The following FAT3 variants were observed in gnomAD, a reference collection of about 807,000 sequenced individuals.
FAT3 encodes protocadherin Fat 3.
A neutral mutation model predicts 310.2 loss-of-function variants in FAT3; 95 were observed. The ratio of observed to expected loss-of-function variants is 0.31; its 90% confidence interval spans 0.26 to 0.36. FAT3 has a LOEUF of 0.36. Ranked by LOEUF, FAT3 falls within the 10% of genes least tolerant of loss-of-function variation. The probability of loss-of-function intolerance (pLI) is 1.00; values close to 1 mark genes in which losing one functional copy is unlikely to be tolerated. For synonymous variants in FAT3, 2,314 were observed against 2,192.9 expected, an observed-to-expected ratio of 1.06 and a Z score of -1.54; for missense variants, 5,408 against 5,715.6, an observed-to-expected ratio of 0.95 and a Z score of 1.74.
At chr11:92,452,785 CAGTGT>C (rs1951395462) in intron 2 of FAT3, among the ~76,000 whole-genome samples, 1 of 152,104 alleles carries the variant, frequency 6.6e-6, no homozygotes, top group African/African-American at 2.4e-5. Context: ...TTTTTTGAGA[CAGTGT>C]CTTGCTCTGT....
At chr11:92,442,274 C>T (rs1227964510) in intron 2 of FAT3, among the ~76,000 whole-genome samples, 9 of 148,748 alleles carry the variant, frequency 6.1e-5, no homozygotes, top group East Asian at 2.0e-4. Flanking sequence ...CCACCACGCC[C>T]GGCTAATTTT....
intron 2 of FAT3, among the ~76,000 whole-genome samples, chr11:92,423,776 T>A (rs777731855): frequency 6.6e-6 from 1 of 152,224 alleles, no homozygotes; most frequent in Non-Finnish European, 1.5e-5. Context: ...GGTAAGAGTT[T>A]ATGTTACAGT....
chr11:92,451,351 C>T (rs553016395), intron 2 of FAT3, among the ~76,000 whole-genome samples: 113 of 152,160 alleles, frequency 7.4e-4, no homozygotes, highest in Non-Finnish European at 1.3e-3. Context: ...AACCAGCCTT[C>T]CATGACCTGT....
chr11:92,561,294 C>G lies in FAT3; in HGVS notation c.3607+36346C>G, dbSNP rs572917869. 2.2e-3 allele frequency among the ~76,000 whole-genome samples: 276 copies of G among 122,896 alleles called. 1 individual carries two copies. Among genetic ancestry groups the G allele is most frequent in the African/African-American group, 7.7e-3 (266 of 34,424 alleles). 80.6% of individuals were successfully genotyped at this position (122,896 alleles called of 152,430 possible). ...GTGTGTGTGTGTGTGTGTGTGTTTA[C>G]CCAAAATGCTTCCATTATGATGCTT... On this transcript the variant is annotated intron_variant, in intron 3 of 27. Transcript: ENST00000525166.
At chr11:92,871,400 C>T (rs934319773) in intron 22 of FAT3, among the ~76,000 whole-genome samples, 24 of 152,124 alleles carry the variant, frequency 1.6e-4, no homozygotes, top group African/African-American at 5.3e-4. Context: ...TCTCAGATCC[C>T]ACCCCAAATC....
intron 3 of FAT3, among the ~76,000 whole-genome samples, chr11:92,534,748 G>T (rs568607): frequency 1 from 152,204 of 152,304 alleles, 76,052 homozygotes; most frequent in Non-Finnish European, 1. Context: ...TTTCGTCACC[G>T]AAGACAAGAT....
intron 2 of FAT3, among the ~76,000 whole-genome samples, chr11:92,415,292 G>T (rs775268234): frequency 6.6e-6 from 1 of 152,184 alleles, no homozygotes; most frequent in Non-Finnish European, 1.5e-5. Context: ...TTATTCAGCA[G>T]TGAGTGCTGA....
intron 2 of FAT3, among the ~76,000 whole-genome samples, chr11:92,445,021 A>T (rs918898485): frequency 6.6e-6 from 1 of 152,174 alleles, no homozygotes; most frequent in African/African-American, 2.4e-5. Context: ...CATTAGGGGA[A>T]AATTTGTGCT....
At chr11:92,387,241 G>C (rs2134792529) in intron 2 of FAT3, among the ~76,000 whole-genome samples, 1 of 152,250 alleles carries the variant, frequency 6.6e-6, no homozygotes, top group Non-Finnish European at 1.5e-5. Context: ...TAGGCAGAGT[G>C]AGAGAACTGG....
At chr11:92,254,805 AAG>A (rs1865253491) in intron 1 of FAT3, among the ~76,000 whole-genome samples, 1 of 152,052 alleles carries the variant, frequency 6.6e-6, no homozygotes, top group South Asian at 2.1e-4. Flanking sequence ...TCCCAGGTTG[AAG>A]AGTTTCTCCT....
chr11:92,381,613 C>T (rs972693712), intron 2 of FAT3, among the ~76,000 whole-genome samples: 2 of 151,964 alleles, frequency 1.3e-5, no homozygotes, highest in African/African-American at 2.4e-5. Context: ...TCCTTCCTTC[C>T]GAAACACCTT....
chr11:92,522,492 G>A (rs1469490906), intron 2 of FAT3, among the ~76,000 whole-genome samples: 1 of 152,064 alleles, frequency 6.6e-6, no homozygotes, highest in Non-Finnish European at 1.5e-5. Flanking sequence ...TAGCTTCTGG[G>A]TTGACGGTTC....
chr11:92,315,475 G>GTATATA (rs1555009254), intron 1 of FAT3, among the ~76,000 whole-genome samples: 9 of 76,648 alleles, frequency 1.2e-4, no homozygotes, highest in African/African-American at 5.9e-4. Context: ...GTGTGTGTGT[G>GTATATA]TGTGTATATA....
intron 1 of FAT3, among the ~76,000 whole-genome samples, chr11:92,281,776 C>T (rs1946429456): frequency 6.6e-6 from 1 of 152,170 alleles, no homozygotes; most frequent in Non-Finnish European, 1.5e-5. Context: ...ACCTGGATTT[C>T]AGTGGAACCT....
At chr11:92,431,163 C>T (rs1043872661) in intron 2 of FAT3, among the ~76,000 whole-genome samples, 8 of 152,334 alleles carry the variant, frequency 5.3e-5, no homozygotes, top group Admixed American at 3.9e-4. Flanking sequence ...CACATCCTCT[C>T]CAGCACCTGT....
At chr11:92,828,859 A>G (rs1221935363) in intron 13 of FAT3, among the ~76,000 whole-genome samples, 1 of 152,176 alleles carries the variant, frequency 6.6e-6, no homozygotes, top group African/African-American at 2.4e-5. Context: ...ACAGGGCTGA[A>G]GAGAAGGCTG....
intron 1 of FAT3, among the ~76,000 whole-genome samples, chr11:92,311,992 G>GA (rs542400665): frequency 0.014 from 2,005 of 147,716 alleles, 14 homozygotes; most frequent in Non-Finnish European, 0.019. Flanking sequence ...AATAAACAAG[G>GA]AAAAAAAAAA....
intron 2 of FAT3, among the ~76,000 whole-genome samples, chr11:92,433,304 C>A (rs1370394215): frequency 6.6e-6 from 1 of 152,200 alleles, no homozygotes; most frequent in Non-Finnish European, 1.5e-5. Context: ...CTGCTGCTAA[C>A]TCGGTGTCTG....
chr11:92,311,188 TTAAG>T (rs1947295963), intron 1 of FAT3, among the ~76,000 whole-genome samples: 1 of 152,092 alleles, frequency 6.6e-6, no homozygotes, highest in Non-Finnish European at 1.5e-5. Flanking sequence ...GTACCTTTGG[TTAAG>T]AATCATTTCA....
Sources: gnomAD v4.1 joint callset for allele counts (sites outside exome capture counted in the v4.1 genomes callset) on GRCh38, gnomAD v4.1.1 for gene constraint, MANE v1.5 for transcripts, NCBI Gene and HGNC (gene_info 2026-07-23, HGNC 2026-07-21) for gene names.